The following SUFU variants were observed in gnomAD, a reference collection of about 807,000 sequenced individuals.
The protein encoded by SUFU is suppressor of fused homolog.
Under a neutral mutation model 58.9 loss-of-function variants are expected in SUFU, and 7 were observed. The observed-to-expected ratio is 0.12, with a 90% CI of 0.07 to 0.22. The LOEUF (loss-of-function observed/expected upper bound fraction) is 0.22. Among genes scored for constraint, SUFU ranks in the 10% least tolerant of loss-of-function variants. The pLI is 1.00. For missense variants in SUFU, 451 were observed against 641.3 expected (o/e 0.70, Z 3.20); for synonymous variants, 232 against 254.8 (o/e 0.91, Z 0.85).
chr10:102,510,990 A>G (rs367593534), intron 2 of SUFU, among the ~76,000 whole-genome samples: 3 of 151,544 alleles, frequency 2.0e-5, no homozygotes, highest in East Asian at 1.9e-4. Flanking sequence ...GCGTGGTGGC[A>G]CATGCCTGTA....
chr10:102,513,180 A>G (rs547660642), intron 2 of SUFU, among the ~76,000 whole-genome samples: 1 of 152,260 alleles, frequency 6.6e-6, no homozygotes, highest in East Asian at 1.9e-4. Flanking sequence ...TTGAAGAAAA[A>G]TGTGATTTTC....
chr10:102,504,490 A>T (rs1345439006), intron 1 of SUFU, among the ~76,000 whole-genome samples, 156 bp downstream of exon 1: 1 of 151,942 alleles, frequency 6.6e-6, no homozygotes. Context: ...GTTAAGGCTC[A>T]AGTTGGGAAT....
chr10:102,616,032 G>T (rs2063683932), intron 9 of SUFU, among the ~76,000 whole-genome samples: 1 of 145,366 alleles, frequency 6.9e-6, no homozygotes, highest in Non-Finnish European at 1.5e-5. Flanking sequence ...CAGTAGCACT[G>T]GTTTGTCAGG....
At chr10:102,618,701 G>T (rs2063710836) in intron 10 of SUFU, 1 of 340,482 alleles carries the variant, frequency 2.9e-6, no homozygotes, top group Non-Finnish European at 5.3e-6. Flanking sequence ...GGTGTTGGTA[G>T]TTACTGTAAC....
At chr10:102,582,146 C>T (rs2063286810) in intron 3 of SUFU, among the ~76,000 whole-genome samples, 1 of 152,172 alleles carries the variant, frequency 6.6e-6, no homozygotes, top group East Asian at 1.9e-4. Flanking sequence ...GCTTCACGCT[C>T]CTGGGCTCCC....
At position 102,627,041 on chromosome 10, in the gene SUFU, C is replaced by T. The variant is rs991649777; in HGVS notation, c.1297-134C>T. The T allele has an allele frequency of 1.2e-5, 11 of 952,516 alleles. No homozygotes were observed. In the Admixed American group the frequency reaches 2.0e-4, roughly 17 times the overall value. The allele number at this position is 952,516 out of a possible 1,614,324, so 59.0% of individuals were successfully genotyped here. A position where few individuals can be genotyped will look rare whatever the true frequency, so the allele number is the denominator to read the frequency against. On this transcript the variant is annotated intron_variant, in intron 10 of 11. Transcript: ENST00000369902. ...AGCTGGGGACAGGCCTCAAACACTT[C>T]CCTGTGTCCCTTGAACAGATCACAG...
At chr10:102,615,476 T>TCCCCAGCCCCCTC in intron 9 of SUFU, 74 bp downstream of exon 9, 3 of 1,607,264 alleles carry the variant, frequency 1.9e-6, no homozygotes, top group Middle Eastern at 1.7e-4. Flanking sequence ...CTTCAGAGCC[T>TCCCCAGCCCCCTC]CCCCAGCCCC....
intron 11 of SUFU, 102 bp downstream of exon 11, chr10:102,627,345 G>A: frequency 9.2e-7 from 1 of 1,082,356 alleles, no homozygotes; most frequent in African/African-American, 1.6e-5. Flanking sequence ...GTGTACCTGT[G>A]GTGCGTGTGT....
chr10:102,578,046 GC>G (rs1281494987), intron 3 of SUFU, among the ~76,000 whole-genome samples: 1 of 149,110 alleles, frequency 6.7e-6, no homozygotes, highest in Admixed American at 6.7e-5. Context: ...GGTGGCTCAT[GC>G]CTGTAATCCC....
At chr10:102,587,066 G>GTGTGTAA (rs1165697636) in intron 3 of SUFU, among the ~76,000 whole-genome samples, 1 of 152,182 alleles carries the variant, frequency 6.6e-6, no homozygotes, top group Non-Finnish European at 1.5e-5. Context: ...GTATTCCATT[G>GTGTGTAA]TGTGTAAATA....
rs1028055763 is a variant in SUFU, at chr10:102,628,771, C to T, written c.1366-1295C>T. On this transcript the variant is annotated intron_variant, in intron 11 of 11. Coordinates refer to ENST00000369902, the MANE Select transcript of SUFU (RefSeq NM_016169.4). This position sits in a 1 kb window ranked among gnomAD's most constrained non-coding sequence, Gnocchi z 4.5. ...GGAGGCAGCCAGGAAGGGTCAGGCT[C>T]GTCTGCCTCCAGCCCCAGACCGAGG... 2.0e-5 allele frequency among the ~76,000 whole-genome samples: 3 copies of T among 152,212 alleles called. No individual in the cohort carries two copies. The highest frequency in any genetic ancestry group is 4.4e-5 in the Non-Finnish European group (3 of 68,036).
chr10:102,585,046 G>C (rs910639816), intron 3 of SUFU, among the ~76,000 whole-genome samples: 7 of 152,224 alleles, frequency 4.6e-5, no homozygotes, highest in Non-Finnish European at 1.0e-4. Flanking sequence ...CTGGGGTGGT[G>C]GGAACAAGGA....
chr10:102,535,214 C>T (rs2062722921), intron 2 of SUFU, among the ~76,000 whole-genome samples: 1 of 152,076 alleles, frequency 6.6e-6, no homozygotes, highest in South Asian at 2.1e-4. Flanking sequence ...GGGCCGGGCG[C>T]GGTGGCTCAC....
intron 8 of SUFU, among the ~76,000 whole-genome samples, chr10:102,612,169 T>TTGTG (rs34032732): frequency 0.028 from 4,207 of 148,238 alleles, 70 homozygotes; most frequent in South Asian, 0.086. Flanking sequence ...AACTGGGTTC[T>TTGTG]TGTGTGTGTG....
chr10:102,549,376 C>T (rs1416848996), intron 2 of SUFU, among the ~76,000 whole-genome samples: 2 of 152,178 alleles, frequency 1.3e-5, no homozygotes, highest in Non-Finnish European at 2.9e-5. Context: ...CCTATAAACC[C>T]ATCAGATCTT....
rs138333899 is a variant in SUFU, at chr10:102,531,314, T to C, written c.318-18656T>C. Reference sequence around the variant, plus strand: ...ATTGTGTAAACTGACAGATCAAAAATTGGAGAGCCTTGGAGTCTTAACCAA... The same window carrying C: ...ATTGTGTAAACTGACAGATCAAAAACTGGAGAGCCTTGGAGTCTTAACCAA... On this transcript the variant is annotated intron_variant, in intron 2 of 11. Transcript: ENST00000369902. Among the ~76,000 whole-genome samples the C allele has an allele frequency of 1.8e-3, 270 of 152,188 alleles. 4 individuals are homozygous for C. The Middle Eastern group carries it at 0.051, about 29-fold the overall frequency.
chr10:102,594,075 G>C lies in SUFU; in HGVS notation c.756+10G>C, dbSNP rs764838079. 5 of 1,613,786 alleles carry C rather than the reference G, an allele frequency of 3.1e-6. No homozygotes were observed. In the East Asian group the frequency reaches 8.9e-5, roughly 29 times the overall value. ...CGATCCACACCTGCAAGTATGTCTT[G>C]AGTGAGGAAAACCTTTCTAGCACCC... is the stretch of plus-strand genomic sequence containing the variant. On this transcript the variant is annotated intron_variant, in intron 6 of 11. Transcript: ENST00000369902.
At chr10:102,562,625 T>C (rs2063049937) in intron 3 of SUFU, among the ~76,000 whole-genome samples, 1 of 152,182 alleles carries the variant, frequency 6.6e-6, no homozygotes, top group Non-Finnish European at 1.5e-5. Flanking sequence ...CTGTGGTGGC[T>C]CACACCTGTA....
intron 2 of SUFU, among the ~76,000 whole-genome samples, chr10:102,545,187 C>T (rs1590014443): frequency 6.6e-6 from 1 of 151,720 alleles, no homozygotes; most frequent in East Asian, 1.9e-4. Flanking sequence ...AGGCTCACTG[C>T]TGCCTTGACC....
Sources: gnomAD v4.1 joint callset for allele counts (sites outside exome capture counted in the v4.1 genomes callset) on GRCh38, gnomAD v4.1.1 for gene constraint, Gnocchi (gnomAD v3.1) non-coding constraint, MANE v1.5 for transcripts, NCBI Gene and HGNC (gene_info 2026-07-23, HGNC 2026-07-21) for gene names.